The following CTPS2 variants were observed in gnomAD, a reference collection of about 807,000 sequenced individuals.
CTPS2 encodes CTP synthase 2.
Under a neutral mutation model 46.8 loss-of-function variants are expected in CTPS2, and 19 were observed. The observed-to-expected ratio is 0.41, with a 90% CI of 0.28 to 0.60. CTPS2 has a LOEUF of 0.60. Ranked by LOEUF, CTPS2 falls within the 20% of genes least tolerant of loss-of-function variation. The pLI is 0.35. For synonymous variants in CTPS2, 151 were observed against 165.2 expected, an observed-to-expected ratio of 0.91 and a Z score of 0.66; for missense variants, 286 against 447.6, an observed-to-expected ratio of 0.64 and a Z score of 3.26.
chrX:16,651,827 T>C (rs1229622820), intron 13 of CTPS2, among the ~76,000 whole-genome samples: 5 of 111,680 alleles, frequency 4.5e-5, no homozygotes, highest in African/African-American at 1.6e-4. Context: ...CACTCCAATA[T>C]ACAGTACTGT....
intron 1 of CTPS2, among the ~76,000 whole-genome samples, chrX:16,709,458 C>T (rs1220506888): frequency 1.8e-5 from 2 of 109,233 alleles, no homozygotes; most frequent in Non-Finnish European, 3.8e-5. Flanking sequence ...AAAGAAAATG[C>T]TTATGTTACC....
chrX:16,635,029 A>C (rs1471231279), intron 14 of CTPS2, among the ~76,000 whole-genome samples: 1 of 110,483 alleles, frequency 9.1e-6, no homozygotes, highest in Non-Finnish European at 1.9e-5. Flanking sequence ...CTGTGACCCT[A>C]TTTCAAGGCA....
intron 13 of CTPS2, chrX:16,654,591 T>A: frequency 2.0e-6 from 1 of 505,824 alleles, no homozygotes. Context: ...TCCCCCAAAG[T>A]CTCTGGTTTA....
At chrX:16,696,318 G>A (rs773159679) in intron 4 of CTPS2, among the ~76,000 whole-genome samples, 1 of 111,838 alleles carries the variant, frequency 8.9e-6, no homozygotes, top group East Asian at 2.8e-4. Context: ...TTGACCACTA[G>A]TATCCAATAA....
rs370441982 is a variant in CTPS2, at chrX:16,628,993, A to T, written c.1394-8661T>A. The stretch of plus-strand genomic sequence containing the variant: ...CCCGCATATCATTTATTTAACCCTC[A>T]CAAGAACCCCATGAGGCGGCGCTCT... On this transcript the variant is annotated intron_variant, in intron 14 of 18. Coordinates refer to ENST00000359276, the MANE Select transcript of CTPS2 (RefSeq NM_175859.3). 8.9e-5 allele frequency among the ~76,000 whole-genome samples: 10 copies of T among 111,923 alleles called. No homozygotes were observed. In the East Asian group the frequency reaches 2.6e-3, roughly 29 times the overall value.
chrX:16,680,901 A>T (rs1349402033), intron 9 of CTPS2, among the ~76,000 whole-genome samples: 2 of 111,685 alleles, frequency 1.8e-5, no homozygotes, highest in Non-Finnish European at 3.8e-5. Flanking sequence ...AAATTAAAAA[A>T]TAGGCCAGGC....
At chrX:16,611,324 A>G (rs1930247070) in intron 16 of CTPS2, among the ~76,000 whole-genome samples, 1 of 109,980 alleles carries the variant, frequency 9.1e-6, no homozygotes, top group Admixed American at 9.7e-5. Context: ...GGTGGCGTGC[A>G]CCTGTGGTTC....
chrX:16,647,011 C>T (rs1354725736), intron 13 of CTPS2, among the ~76,000 whole-genome samples: 1 of 111,461 alleles, frequency 9.0e-6, no homozygotes, highest in Non-Finnish European at 1.9e-5. Flanking sequence ...TCACTTGTCT[C>T]CATATATTTT....
intron 9 of CTPS2, among the ~76,000 whole-genome samples, chrX:16,679,084 G>A (rs1235133573): frequency 9.0e-6 from 1 of 111,029 alleles, no homozygotes; most frequent in Non-Finnish European, 1.9e-5. Flanking sequence ...CAGGCCGGGC[G>A]CATTGGCTCA....
At chrX:16,639,093 A>G (rs1424855824) in intron 14 of CTPS2, 54 bp downstream of exon 14, 109 of 952,545 alleles carry the variant, frequency 1.1e-4, no homozygotes, top group Non-Finnish European at 1.6e-4. Flanking sequence ...GGGCACCTGC[A>G]GTCACATGAG....
chrX:16,666,574 G>A (rs934963132), intron 13 of CTPS2, among the ~76,000 whole-genome samples: 4 of 111,210 alleles, frequency 3.6e-5, no homozygotes, highest in African/African-American at 1.3e-4. Context: ...GTTTGACCCC[G>A]GGAGGTCTAG....
chrX:16,620,183 G>A (rs1930745462), intron 15 of CTPS2, 94 bp downstream of exon 15: 2 of 744,062 alleles, frequency 2.7e-6, no homozygotes, highest in African/African-American at 2.1e-5. Context: ...AATACCACCA[G>A]GCTAGACACC....
chrX:16,703,326 T>C (rs1469410815), intron 1 of CTPS2, among the ~76,000 whole-genome samples: 1 of 106,177 alleles, frequency 9.4e-6, no homozygotes, highest in Non-Finnish European at 1.9e-5. Flanking sequence ...CGCACCTAGC[T>C]CAGAATTTTT....
At chrX:16,604,573 T>C (rs773646683) in intron 17 of CTPS2, among the ~76,000 whole-genome samples, 2 of 110,560 alleles carry the variant, frequency 1.8e-5, no homozygotes, top group African/African-American at 6.6e-5. Context: ...ATGCCTGTAA[T>C]CTCAGCACTT....
chrX:16,705,990 A>G (rs1031387934), intron 1 of CTPS2, among the ~76,000 whole-genome samples: 9 of 108,541 alleles, frequency 8.3e-5, no homozygotes, highest in Non-Finnish European at 1.7e-4. Flanking sequence ...AATCCTGGCT[A>G]CTAGGGAGGC....
intron 13 of CTPS2, among the ~76,000 whole-genome samples, chrX:16,646,796 C>A (rs139483924): frequency 8.9e-6 from 1 of 111,824 alleles, no homozygotes; most frequent in Non-Finnish European, 1.9e-5. Flanking sequence ...GAATAACCCA[C>A]AGAAGCCTGT....
At chrX:16,639,917 C>A (rs1398438670) in intron 13 of CTPS2, among the ~76,000 whole-genome samples, 1 of 111,062 alleles carries the variant, frequency 9.0e-6, no homozygotes, top group African/African-American at 3.3e-5. Context: ...TAAGTGGCAC[C>A]CTTGATCGCT....
At chrX:16,703,129 G>A (rs1464354066) in intron 1 of CTPS2, among the ~76,000 whole-genome samples, 188 bp from the exon 2 acceptor site, 2 of 104,229 alleles carry the variant, frequency 1.9e-5, no homozygotes, top group African/African-American at 3.5e-5. Flanking sequence ...GGGTTCAAGC[G>A]ATCCTCCCAC....
rs1331789010 is a variant in CTPS2, at chrX:16,589,092, G to T, written c.*725C>A. The T allele has an allele frequency of 8.9e-6, 1 of 112,196 alleles. No homozygotes were observed. The highest frequency in any genetic ancestry group is 1.9e-5 in the Non-Finnish European group (1 of 53,289). 9.2% of individuals were successfully genotyped at this position (112,196 alleles called of 1,213,427 possible). A position where few individuals can be genotyped will look rare whatever the true frequency, so the allele number is the denominator to read the frequency against. On this transcript the variant is annotated 3_prime_UTR_variant, in exon 19 of 19. Coordinates refer to ENST00000359276, the MANE Select transcript of CTPS2 (RefSeq NM_175859.3). ...TATAAGGTGTATATGAAGCATAAAT[G>T]AATTTCATGTTTAGTCTTGAGTCTC...
Sources: gnomAD v4.1 joint callset for allele counts (sites outside exome capture counted in the v4.1 genomes callset) on GRCh38, gnomAD v4.1.1 for gene constraint, MANE v1.5 for transcripts, NCBI Gene and HGNC (gene_info 2026-07-23, HGNC 2026-07-21) for gene names.